PCDHGA2: variants seen among roughly 807,000 people sequenced by gnomAD.
The protein encoded by PCDHGA2 is protocadherin gamma-A2.
Under a neutral mutation model 59.2 loss-of-function variants are expected in PCDHGA2, and 40 were observed. That is an observed-to-expected ratio of 0.68 (90% confidence interval 0.52 to 0.88). The LOEUF (loss-of-function observed/expected upper bound fraction) is 0.88, where lower values mean the gene tolerates loss of function less well. PCDHGA2 is among the 40% of genes least tolerant of loss of function. PCDHGA2 has a pLI of 0.00. For missense variants in PCDHGA2, 1,226 were observed against 1,204.0 expected, an observed-to-expected ratio of 1.02 and a Z score of -0.27; for synonymous variants, 560 against 526.0, an observed-to-expected ratio of 1.06 and a Z score of -0.89.
rs375810500 is a variant in PCDHGA2, at chr5:141,364,577, A to G, written c.2424+23182A>G. On this transcript the variant is annotated intron_variant, in intron 1 of 3. Coordinates refer to ENST00000394576, the MANE Select transcript of PCDHGA2 (RefSeq NM_018915.4). ...TTTTGCCCTGAACCCGCGAAGCGGCAGCTTGGTCACCGCGGGCAGGATAGA... is the reference window on the plus strand; with the variant it reads ...TTTTGCCCTGAACCCGCGAAGCGGCGGCTTGGTCACCGCGGGCAGGATAGA... The G allele has an allele frequency of 2.9e-4, 467 of 1,614,196 alleles. No individual in the cohort carries two copies. The highest frequency in any genetic ancestry group is 3.9e-4 in the Non-Finnish European group (459 of 1,179,998).
At chr5:141,383,175 G>A in intron 1 of PCDHGA2, 1 of 1,614,114 alleles carries the variant, frequency 6.2e-7, no homozygotes, top group Non-Finnish European at 8.5e-7. Flanking sequence ...GGATAGACCG[G>A]GAAGAGATCT....
chr5:141,467,993 C>A (rs984508296), intron 1 of PCDHGA2, among the ~76,000 whole-genome samples: 1 of 152,058 alleles, frequency 6.6e-6, no homozygotes, highest in Admixed American at 6.6e-5. Context: ...AACCACAATT[C>A]TTTCTTCCTC....
chr5:141,361,129 A>T (rs369568903), intron 1 of PCDHGA2: 2 of 1,613,906 alleles, frequency 1.2e-6, no homozygotes, highest in Non-Finnish European at 1.7e-6. Context: ...AGCCCACTGC[A>T]GTATCCAAGT....
chr5:141,436,877 A>G (rs2097851127), intron 1 of PCDHGA2, among the ~76,000 whole-genome samples: 1 of 152,252 alleles, frequency 6.6e-6, no homozygotes, highest in Admixed American at 6.5e-5. Flanking sequence ...AGGCCATAAA[A>G]GATGGGGGAA....
intron 1 of PCDHGA2, chr5:141,384,439 C>A (rs1314559914): frequency 6.2e-7 from 1 of 1,614,016 alleles, no homozygotes; most frequent in South Asian, 1.1e-5. Flanking sequence ...CACTGGAGTC[C>A]TGTACGCGCT....
chr5:141,408,295 G>A (rs1185231517), intron 1 of PCDHGA2: 8 of 1,613,700 alleles, frequency 5.0e-6, no homozygotes, highest in East Asian at 2.2e-5. Flanking sequence ...CCCTGAGTGA[G>A]CCGATCCGCT....
chr5:141,420,422 A>C, intron 1 of PCDHGA2: 1 of 1,196,438 alleles, frequency 8.4e-7, no homozygotes, highest in Non-Finnish European at 1.1e-6. Context: ...TATTAAAACA[A>C]AAGTTTAAAT....
At chr5:141,423,398 G>T in intron 1 of PCDHGA2, 7 of 1,614,172 alleles carry the variant, frequency 4.3e-6, no homozygotes, top group Non-Finnish European at 5.9e-6. Flanking sequence ...CATAAGTCAC[G>T]CCTGCTGCAG....
In PCDHGA2 at chr5:141,491,961, G is replaced by A. The variant is rs891299192; in HGVS notation, c.2425-2846G>A. 3 of 970,010 alleles carry A rather than the reference G, an allele frequency of 3.1e-6. No individual in the cohort carries two copies. The highest frequency in any genetic ancestry group is 4.3e-6 in the Non-Finnish European group (3 of 693,098). 60.1% of individuals were successfully genotyped at this position (970,010 alleles called of 1,614,324 possible). On this transcript the variant is annotated intron_variant, in intron 1 of 3. Transcript: ENST00000394576. This position sits in a 1 kb window ranked among gnomAD's most constrained non-coding sequence, Gnocchi z 6.9. ...GACCCCCACCCCTACACTCAAAAAAGGCCGGGGCCTCCTTCGAGCTTCCGG... is the reference window on the plus strand; with the variant it reads ...GACCCCCACCCCTACACTCAAAAAAAGCCGGGGCCTCCTTCGAGCTTCCGG...
At chr5:141,505,666 G>T (rs904221281) in intron 3 of PCDHGA2, among the ~76,000 whole-genome samples, 185 bp downstream of exon 3, 3 of 152,180 alleles carry the variant, frequency 2.0e-5, no homozygotes, top group Non-Finnish European at 4.4e-5. Context: ...ACAGCAGAGG[G>T]GTTGGGGGTC....
At chr5:141,385,323 G>C (rs1781122610) in intron 1 of PCDHGA2, 1 of 1,607,092 alleles carries the variant, frequency 6.2e-7, no homozygotes, top group Non-Finnish European at 8.5e-7. Flanking sequence ...CAAGTATTCA[G>C]GTGAGCCCAG....
chr5:141,341,726 T>G (rs998013835), intron 1 of PCDHGA2: 5 of 461,022 alleles, frequency 1.1e-5, no homozygotes, highest in Non-Finnish European at 1.9e-5. Context: ...GATCAACAAT[T>G]TTTTCTTTGT....
At chr5:141,408,111 C>A (rs1477598232) in intron 1 of PCDHGA2, 7 of 1,455,108 alleles carry the variant, frequency 4.8e-6, no homozygotes, top group African/African-American at 4.3e-5. Context: ...ACCCGGGACT[C>A]CTCCTGTCCT....
chr5:141,356,117 G>C, intron 1 of PCDHGA2: 1 of 1,613,870 alleles, frequency 6.2e-7, no homozygotes, highest in Non-Finnish European at 8.5e-7. Flanking sequence ...ATATTGGGGG[G>C]TCTAGATTAT....
chr5:141,404,610 T>C lies in PCDHGA2; in HGVS notation c.2424+63215T>C, dbSNP rs1207198913. ...AATGTGTCATTGAGACTGTTTGTTTTGGACCAGAATGACAATGCCCCAGAA... is the reference window on the plus strand; with the variant it reads ...AATGTGTCATTGAGACTGTTTGTTTCGGACCAGAATGACAATGCCCCAGAA... On this transcript the variant is annotated intron_variant, in intron 1 of 3. Transcript: ENST00000394576. 1 of 1,614,130 alleles carries C rather than the reference T, an allele frequency of 6.2e-7. No homozygotes were observed. Among genetic ancestry groups the C allele is most frequent in the African/African-American group, 1.3e-5 (1 of 75,054 alleles).
intron 1 of PCDHGA2, chr5:141,408,916 C>T (rs1379557230): frequency 6.8e-6 from 11 of 1,613,024 alleles, no homozygotes; most frequent in African/African-American, 2.7e-5. Flanking sequence ...CCAATGATAA[C>T]CCCCCGGTTT....
intron 1 of PCDHGA2, chr5:141,342,439 AT>A (rs1757161568): frequency 6.6e-6 from 1 of 152,152 alleles, no homozygotes. Flanking sequence ...AACTGGCATC[AT>A]TTTTTATTTT....
rs2099735960 is a variant in PCDHGA2 at position 141,491,997 on chromosome 5, G to A, written c.2425-2810G>A. On this transcript the variant is annotated intron_variant, in intron 1 of 3. Transcript: ENST00000394576. The surrounding 1 kb of genome is among the most constrained non-coding windows in gnomAD (Gnocchi z 6.9). ...CCTTCGAGCTTCCGGTGAATTTCGG[G>A]CGATTTCCGCGGGTGTCGGGGGTCC... The A allele has an allele frequency of 1.5e-6, 1 of 671,074 alleles. No homozygotes were observed. The allele number at this position is 671,074 out of a possible 1,614,324, so 41.6% of individuals were successfully genotyped here.
At chr5:141,456,860 G>A (rs1345260160) in intron 1 of PCDHGA2, among the ~76,000 whole-genome samples, 1 of 152,170 alleles carries the variant, frequency 6.6e-6, no homozygotes, top group African/African-American at 2.4e-5. Flanking sequence ...CTAATTGGGA[G>A]GCTGAGGCAG....
Sources: allele counts gnomAD v4.1 joint callset (sites outside exome capture counted in the v4.1 genomes callset), GRCh38; gene constraint gnomAD v4.1.1; non-coding constraint Gnocchi (gnomAD v3.1); transcripts MANE v1.5; gene names NCBI Gene and HGNC (gene_info 2026-07-23, HGNC 2026-07-21).